Variants in SLC44A5 observed in about 807,000 individuals in gnomAD.
SLC44A5 encodes the protein solute carrier family 44 member 5.
SLC44A5 carries 57 observed loss-of-function variants against 101.8 expected under a neutral mutation model. That is an observed-to-expected ratio of 0.56 (90% CI 0.45 to 0.70). The LOEUF is 0.70. Ranked by LOEUF, SLC44A5 falls within the 30% of genes least tolerant of loss-of-function variation. SLC44A5 has a pLI of 0.00. For missense variants in SLC44A5, 737 were observed against 853.1 expected (o/e 0.86, Z 1.70); for synonymous variants, 281 against 290.9 (o/e 0.97, Z 0.35).
At chr1:75,515,909 ACTG>A (rs1669803569) in intron 2 of SLC44A5, among the ~76,000 whole-genome samples, 1 of 151,822 alleles carries the variant, frequency 6.6e-6, no homozygotes, top group Non-Finnish European at 1.5e-5. Context: ...CCTTGCCAAC[ACTG>A]CTATCTTTTG....
chr1:75,627,136 A>T, the SLC44A5 span, among the ~76,000 whole-genome samples: 1 of 152,098 alleles, frequency 6.6e-6, no homozygotes, highest in Non-Finnish European at 1.5e-5. Flanking sequence ...CCCTTTGTGT[A>T]TTACCGTAAC....
chr1:75,615,770 C>T, upstream of SLC44A5: 1 of 835,404 alleles, frequency 1.2e-6, no homozygotes, highest in Non-Finnish European at 1.4e-6. Context: ...CTTGGCCGCG[C>T]CTGGATGTAA....
At chr1:75,281,646 C>T (rs996591259) in intron 5 of SLC44A5, among the ~76,000 whole-genome samples, 1 of 111,134 alleles carries the variant, frequency 9.0e-6, no homozygotes, top group South Asian at 4.1e-4. Context: ...GCCCCCCCCC[C>T]CCCCCGCTGC....
chr1:75,527,405 G>A (rs540862281), intron 2 of SLC44A5, among the ~76,000 whole-genome samples: 1 of 137,924 alleles, frequency 7.3e-6, no homozygotes, highest in Non-Finnish European at 1.6e-5. Context: ...GGTCAGATGT[G>A]TCACACCCAG....
At chr1:75,246,178 C>T (rs1183449243) in intron 7 of SLC44A5, among the ~76,000 whole-genome samples, 5 of 152,192 alleles carry the variant, frequency 3.3e-5, no homozygotes, top group South Asian at 4.1e-4. Flanking sequence ...AGTCTTAACA[C>T]TCAGTTACAA....
In SLC44A5 at chr1:75,374,639, C is replaced by G. The variant is rs181477340; in HGVS notation, c.52+21944G>C. Among the ~76,000 whole-genome samples, 102 of 152,220 alleles carry G rather than the reference C, an allele frequency of 6.7e-4. 1 individual carries two copies. The East Asian group carries it at 0.017, about 25-fold the overall frequency. The stretch of plus-strand genomic sequence containing the variant: ...TGTGGCTAAGAGCCTATCTGCCAGC[C>G]CTGACTCTTAAGCACTATCTACTGG... On this transcript the variant is annotated intron_variant, in intron 3 of 23. Coordinates refer to ENST00000370859, the MANE Select transcript of SLC44A5 (RefSeq NM_001130058.2).
the SLC44A5 span, among the ~76,000 whole-genome samples, chr1:75,682,070 G>T: frequency 6.6e-6 from 1 of 152,128 alleles, no homozygotes; most frequent in Non-Finnish European, 1.5e-5. Flanking sequence ...CCTCTTCAAG[G>T]AGAACTACAA....
intron 2 of SLC44A5, among the ~76,000 whole-genome samples, chr1:75,397,160 T>A (rs1281396937): frequency 6.6e-6 from 1 of 152,150 alleles, no homozygotes; most frequent in African/African-American, 2.4e-5. Flanking sequence ...GAAACTCCCA[T>A]GTGATAACTA....
intron 2 of SLC44A5, among the ~76,000 whole-genome samples, chr1:75,447,964 GA>G (rs1665683598): frequency 6.6e-6 from 1 of 151,852 alleles, no homozygotes; most frequent in African/African-American, 2.4e-5. Flanking sequence ...CCCAAGGAAT[GA>G]AAAAGTTTTA....
chr1:75,340,257 T>G (rs1301927962), intron 3 of SLC44A5, among the ~76,000 whole-genome samples: 1 of 152,204 alleles, frequency 6.6e-6, no homozygotes, highest in South Asian at 2.1e-4. Flanking sequence ...CCCTTTTCTT[T>G]AAACAGTGAA....
At chr1:75,444,435 CAG>C (rs907777245) in intron 2 of SLC44A5, among the ~76,000 whole-genome samples, 6 of 84,362 alleles carry the variant, frequency 7.1e-5, no homozygotes, top group East Asian at 3.0e-4. Flanking sequence ...GAAAGAAAGA[CAG>C]AGAAAGAAAG....
intron 3 of SLC44A5, among the ~76,000 whole-genome samples, chr1:75,364,275 ATCATGCTGC>A (rs1163474746): frequency 6.6e-6 from 1 of 152,186 alleles, no homozygotes; most frequent in Non-Finnish European, 1.5e-5. Flanking sequence ...CTGTACAGGA[ATCATGCTGC>A]TGGCATCTGC....
chr1:75,279,051 G>A (rs956852492), intron 5 of SLC44A5, among the ~76,000 whole-genome samples: 1 of 151,892 alleles, frequency 6.6e-6, no homozygotes, highest in Admixed American at 6.6e-5. Context: ...TTTGTGTTGG[G>A]AACACTACAA....
At chr1:75,619,232 G>C in the SLC44A5 span, among the ~76,000 whole-genome samples, 1 of 150,980 alleles carries the variant, frequency 6.6e-6, no homozygotes, top group Admixed American at 6.6e-5. Flanking sequence ...AGAGCAGGAG[G>C]GAGGGAGGGA....
intron 3 of SLC44A5, among the ~76,000 whole-genome samples, chr1:75,386,095 CA>C (rs1661321057): frequency 6.6e-6 from 1 of 151,730 alleles, no homozygotes; most frequent in Non-Finnish European, 1.5e-5. Context: ...AACCCACAGC[CA>C]ATATCATACT....
chr1:75,554,192 T>C (rs921186803), intron 1 of SLC44A5, among the ~76,000 whole-genome samples: 3 of 152,082 alleles, frequency 2.0e-5, no homozygotes, highest in Non-Finnish European at 4.4e-5. Context: ...AATTGAAGTA[T>C]CAGGCTGGGT....
At chr1:75,554,565 AAAC>A (rs139183371) in intron 1 of SLC44A5, among the ~76,000 whole-genome samples, 1,707 of 152,146 alleles carry the variant, frequency 0.011, 31 homozygotes, top group African/African-American at 0.039. Context: ...CAGATGTTTG[AAAC>A]AACAAGATAC....
intron 2 of SLC44A5, among the ~76,000 whole-genome samples, chr1:75,476,615 G>C (rs564550163): frequency 1.3e-5 from 2 of 152,232 alleles, no homozygotes; most frequent in Non-Finnish European, 2.9e-5. Context: ...CACCTGGCTC[G>C]GAGGGTCCTA....
intron 2 of SLC44A5, among the ~76,000 whole-genome samples, chr1:75,479,229 A>T (rs1419620597): frequency 6.6e-6 from 1 of 152,232 alleles, no homozygotes; most frequent in East Asian, 1.9e-4. Context: ...ACATACCAGA[A>T]TGTCTGGGAC....
Sources: gnomAD v4.1 joint callset for allele counts (sites outside exome capture counted in the v4.1 genomes callset) on GRCh38, gnomAD v4.1.1 for gene constraint, MANE v1.5 for transcripts, NCBI Gene and HGNC (gene_info 2026-07-23, HGNC 2026-07-21) for gene names.